MICU2: variants seen among roughly 807,000 people sequenced by gnomAD.
MICU2 encodes calcium uptake protein 2, mitochondrial.
MICU2 carries 64 observed loss-of-function variants against 60.4 expected under a neutral mutation model. That is an observed-to-expected ratio of 1.06 (90% CI 0.87 to 1.31). The LOEUF is 1.31. Among genes scored for constraint, MICU2 ranks in the 50% most tolerant of loss-of-function variants. The pLI, the probability that MICU2 is intolerant of heterozygous loss-of-function variation, is 0.00. For synonymous variants in MICU2, 201 were observed against 175.0 expected (o/e 1.15, Z -1.17); for missense variants, 569 against 531.0 (o/e 1.07, Z -0.70).
intron 9 of MICU2, among the ~76,000 whole-genome samples, chr13:21,501,324 G>A (rs778611260): frequency 2.0e-4 from 30 of 151,532 alleles, no homozygotes; most frequent in Non-Finnish European, 2.9e-4. Context: ...GTGCAGTGGC[G>A]CAATCTCAGC....
At chr13:21,537,473 T>C (rs35792088) in intron 4 of MICU2, among the ~76,000 whole-genome samples, 56 of 109,584 alleles carry the variant, frequency 5.1e-4, no homozygotes, top group East Asian at 4.9e-3. Flanking sequence ...TTCTTTCTTT[T>C]TTTTTTTTTT....
chr13:21,495,026 G>T, intron 11 of MICU2, 135 bp downstream of exon 11: 1 of 554,940 alleles, frequency 1.8e-6, no homozygotes, highest in Non-Finnish European at 3.0e-6. Flanking sequence ...ATATATTTCT[G>T]TATTTCAATT....
chr13:21,509,411 G>C (rs1201313763), intron 8 of MICU2, among the ~76,000 whole-genome samples: 1 of 152,184 alleles, frequency 6.6e-6, no homozygotes, highest in Non-Finnish European at 1.5e-5. Flanking sequence ...CTACAACCAT[G>C]GAGTTGTGTA....
chr13:21,517,398 G>A (rs552276594), intron 6 of MICU2, among the ~76,000 whole-genome samples: 1 of 152,292 alleles, frequency 6.6e-6, no homozygotes, highest in Non-Finnish European at 1.5e-5. Flanking sequence ...ATTTAGATAA[G>A]CTAAGATAAA....
chr13:21,535,408 T>C (rs936080771), intron 4 of MICU2, among the ~76,000 whole-genome samples: 6 of 152,286 alleles, frequency 3.9e-5, no homozygotes, highest in African/African-American at 1.4e-4. Flanking sequence ...ATATCTTTCT[T>C]AAGAGTCTCA....
intron 9 of MICU2, among the ~76,000 whole-genome samples, chr13:21,497,004 G>A (rs1340002498): frequency 6.6e-6 from 1 of 152,128 alleles, no homozygotes; most frequent in African/African-American, 2.4e-5. Flanking sequence ...AGAGCTTGCA[G>A]TGAGCCGAGA....
At chr13:21,524,980 C>A (rs137856512) in intron 4 of MICU2, among the ~76,000 whole-genome samples, 1 of 152,228 alleles carries the variant, frequency 6.6e-6, no homozygotes, top group Non-Finnish European at 1.5e-5. Context: ...GAATAATATT[C>A]CATTGTACCT....
intron 2 of MICU2, among the ~76,000 whole-genome samples, chr13:21,545,780 T>G (rs750340158): frequency 1.3e-4 from 19 of 151,990 alleles, no homozygotes; most frequent in Non-Finnish European, 2.4e-4. Flanking sequence ...TGTTAAAGGA[T>G]ACAAAATTAC....
At chr13:21,591,202 C>A (rs1201795) in intron 1 of MICU2, among the ~76,000 whole-genome samples, 81,149 of 144,984 alleles carry the variant, frequency 0.56, 23,580 homozygotes, top group East Asian at 1. Context: ...AAATGGAAAG[C>A]AAAAAAAAAA....
chr13:21,495,231 T>G lies in MICU2; in HGVS notation c.1130A>C (p.Asp377Ala), dbSNP rs1309333022. 1 of 1,613,628 alleles carries G rather than the reference T, an allele frequency of 6.2e-7. No individual in the cohort carries two copies. Among genetic ancestry groups the G allele is most frequent in the East Asian group, 2.2e-5 (1 of 44,800 alleles). Residue 377 changes from aspartate to alanine, a missense_variant, in exon 11 of 12, where the codon GAT becomes GCT. Transcript: ENST00000382374. ...LDTVFKIFDL[D>A]GDECLSHEEF... ...TTCATGACTAAGACATTCATCACCA[T>G]CCAAATCAAAGATCTTAAAGACAGT...
At chr13:21,505,485 C>T (rs994748542) in intron 8 of MICU2, among the ~76,000 whole-genome samples, 39 of 152,012 alleles carry the variant, frequency 2.6e-4, no homozygotes, top group Non-Finnish European at 3.8e-4. Flanking sequence ...TAAAAGCACA[C>T]CAAAATTCTG....
At position 21,603,947 on chromosome 13, in the gene MICU2, A is replaced by C; in HGVS notation, c.202T>G (p.Ser68Ala). 2 of 1,612,494 alleles carry C rather than the reference A, an allele frequency of 1.2e-6. 1 individual carries two copies. The highest frequency in any genetic ancestry group is 2.2e-5 in the South Asian group (2 of 91,068). The part of the protein sequence containing the change: ...VAARDGSFTV[S>A]AQKNVEHGII... ...AGGAGTTAGTCCTGTACCTGTGCGG[A>C]GACTGTAAAACTGCCATCCCGCGCC... is the stretch of plus-strand genomic sequence containing the variant. Residue 68 changes from serine (S) to alanine (A), a missense_variant, in exon 1 of 12, where the codon TCC becomes GCC. Transcript: ENST00000382374.
At chr13:21,516,920 A>G (rs1886584473) in intron 6 of MICU2, among the ~76,000 whole-genome samples, 1 of 152,218 alleles carries the variant, frequency 6.6e-6, no homozygotes, top group Admixed American at 6.5e-5. Context: ...TAGGAAACAG[A>G]CCTGTCATTA....
intron 1 of MICU2, among the ~76,000 whole-genome samples, chr13:21,580,377 A>C (rs1888320873): frequency 6.6e-6 from 1 of 152,224 alleles, no homozygotes; most frequent in African/African-American, 2.4e-5. Context: ...TTTTAAGGGT[A>C]GGCATGGACA....
intron 1 of MICU2, among the ~76,000 whole-genome samples, chr13:21,575,698 C>A (rs1186031062): frequency 7.5e-6 from 1 of 132,614 alleles, no homozygotes; most frequent in Non-Finnish European, 1.5e-5. Context: ...CCACTGCACT[C>A]CAGCCTGAGC....
At chr13:21,587,948 G>C (rs1888494235) in intron 1 of MICU2, among the ~76,000 whole-genome samples, 1 of 152,058 alleles carries the variant, frequency 6.6e-6, no homozygotes, top group South Asian at 2.1e-4. Context: ...CTGCATAGGT[G>C]GAGGCATTCT....
intron 1 of MICU2, among the ~76,000 whole-genome samples, chr13:21,574,513 C>T (rs1046543965): frequency 2.6e-5 from 4 of 152,162 alleles, no homozygotes; most frequent in African/African-American, 9.7e-5. Flanking sequence ...AGTTTATTGC[C>T]TCTAAAGCAA....
At chr13:21,571,584 G>A in intron 1 of MICU2, among the ~76,000 whole-genome samples, 1 of 152,200 alleles carries the variant, frequency 6.6e-6, no homozygotes, top group East Asian at 1.9e-4. Flanking sequence ...TGTAGTCGCA[G>A]CTACTCGGGA....
intron 4 of MICU2, among the ~76,000 whole-genome samples, chr13:21,527,898 A>T (rs1469506202): frequency 6.6e-6 from 1 of 152,192 alleles, no homozygotes; most frequent in Admixed American, 6.5e-5. Context: ...AAGATGAATA[A>T]ATTCTGTCAG....
Sources: allele counts gnomAD v4.1 joint callset (sites outside exome capture counted in the v4.1 genomes callset), GRCh38; gene constraint gnomAD v4.1.1; transcripts MANE v1.5; gene names NCBI Gene and HGNC (gene_info 2026-07-23, HGNC 2026-07-21).